The following SLC27A6 variants were observed in gnomAD, a reference collection of about 807,000 sequenced individuals.
SLC27A6 encodes the protein long-chain fatty acid transport protein 6.
A neutral mutation model predicts 63.9 loss-of-function variants in SLC27A6; 74 were observed. The observed-to-expected ratio is 1.16, with a 90% CI of 0.96 to 1.40. SLC27A6 has a LOEUF of 1.40. Among genes scored for constraint, SLC27A6 ranks in the 40% most tolerant of loss-of-function variants. The pLI is 0.00. For synonymous variants in SLC27A6, 287 were observed against 260.8 expected (o/e 1.10, Z -0.97); for missense variants, 794 against 732.9 (o/e 1.08, Z -0.96).
intron 5 of SLC27A6, among the ~76,000 whole-genome samples, 198 bp downstream of exon 5, chr5:129,016,277 T>A (rs1163429614): frequency 1.3e-5 from 2 of 150,670 alleles, no homozygotes; most frequent in Non-Finnish European, 2.9e-5. Context: ...ACACCTGTAG[T>A]CCCAACTAGT....
At chr5:128,970,454 C>T (rs1750102106) in intron 1 of SLC27A6, among the ~76,000 whole-genome samples, 1 of 152,148 alleles carries the variant, frequency 6.6e-6, no homozygotes. Context: ...TTGGTCTATT[C>T]AGAGATTCAA....
chr5:129,003,459 A>G (rs1402644367), intron 4 of SLC27A6, among the ~76,000 whole-genome samples: 1 of 152,162 alleles, frequency 6.6e-6, no homozygotes, highest in Non-Finnish European at 1.5e-5. Flanking sequence ...TGATTGGTTG[A>G]TGTAGCTGAG....
intron 1 of SLC27A6, among the ~76,000 whole-genome samples, chr5:128,981,801 T>C (rs867756743): frequency 6.2e-5 from 7 of 113,378 alleles, no homozygotes; most frequent in African/African-American, 1.8e-4. Flanking sequence ...AAGAGTTTTT[T>C]TCTTTCTTTT....
intron 2 of SLC27A6, among the ~76,000 whole-genome samples, chr5:128,986,268 C>T (rs979893867): frequency 6.6e-6 from 1 of 152,172 alleles, no homozygotes; most frequent in Non-Finnish European, 1.5e-5. Flanking sequence ...GAGCTGATTG[C>T]ACCTCTGCAC....
At position 129,033,510 on chromosome 5, in the gene SLC27A6, G is replaced by T. The variant is rs2150158475; in HGVS notation, c.*228G>T. The T allele has an allele frequency of 4.4e-6, 1 of 227,696 alleles. No individual in the cohort carries two copies. The highest frequency in any genetic ancestry group is 9.0e-5 in the East Asian group (1 of 11,100). The allele number at this position is 227,696 out of a possible 1,614,324, so 14.1% of individuals were successfully genotyped here. ...ATTTGGAGATTCAGTGCATAACTAA[G>T]TATTTTCCTTAATACTAAAGATTTT... On this transcript the variant is annotated 3_prime_UTR_variant, in exon 10 of 10. Transcript: ENST00000262462.
chr5:128,968,748 A>G (rs75321884), intron 1 of SLC27A6, among the ~76,000 whole-genome samples: 74,177 of 151,034 alleles, frequency 0.49, 20,187 homozygotes, highest in Non-Finnish European at 0.62. Flanking sequence ...CTTTTGCTGT[A>G]CAGAAGCTCT....
At chr5:128,981,844 C>T (rs116664198) in intron 1 of SLC27A6, among the ~76,000 whole-genome samples, 3,292 of 144,554 alleles carry the variant, frequency 0.023, 58 homozygotes, top group Non-Finnish European at 0.033. Flanking sequence ...GATGGAGTCT[C>T]ACTCTGTCCC....
intron 1 of SLC27A6, among the ~76,000 whole-genome samples, chr5:128,968,606 G>T (rs1443436786): frequency 6.6e-6 from 1 of 152,120 alleles, no homozygotes; most frequent in African/African-American, 2.4e-5. Flanking sequence ...TTTTGATGGG[G>T]TTGTTTGATT....
chr5:128,983,363 G>T (rs1317829009), intron 1 of SLC27A6, among the ~76,000 whole-genome samples: 1 of 136,960 alleles, frequency 7.3e-6, no homozygotes, highest in Admixed American at 8.6e-5. Context: ...CGTGATCTCG[G>T]CTCACTGCCA....
chr5:129,033,185 C>A lies in SLC27A6; in HGVS notation c.1763C>A (p.Ser588Tyr). 1 of 1,608,906 alleles carries A rather than the reference C, an allele frequency of 6.2e-7. No homozygotes were observed. The highest frequency in any genetic ancestry group is 1.1e-5 in the South Asian group (1 of 90,626). Reference sequence around the variant, plus strand: ...GATGGATTTAATCCACTGAAAATTTCTGAACCACTTTACTTCATGGATAAC... The same window carrying A: ...GATGGATTTAATCCACTGAAAATTTATGAACCACTTTACTTCATGGATAAC... ...VEDGFNPLKI[S>Y]EPLYFMDNLK... is the part of the protein sequence containing the mutation. Residue 588 changes from serine (S) to tyrosine (Y), a missense_variant, in exon 10 of 10, where the codon TCT (serine) becomes TAT (tyrosine). Transcript: ENST00000262462.
At chr5:128,982,690 C>T (rs775872345) in intron 1 of SLC27A6, among the ~76,000 whole-genome samples, 2 of 152,136 alleles carry the variant, frequency 1.3e-5, no homozygotes, top group Non-Finnish European at 2.9e-5. Flanking sequence ...TTTGCTTATC[C>T]AGTTTTTCAT....
chr5:128,978,245 AT>A (rs527747987), intron 1 of SLC27A6, among the ~76,000 whole-genome samples: 2 of 152,070 alleles, frequency 1.3e-5, no homozygotes, highest in African/African-American at 4.8e-5. Context: ...CTGAATGTGT[AT>A]TTTTTCAGTT....
chr5:128,975,318 T>C (rs1022462488), intron 1 of SLC27A6, among the ~76,000 whole-genome samples: 2 of 152,178 alleles, frequency 1.3e-5, no homozygotes, highest in Non-Finnish European at 2.9e-5. Context: ...GCAACTACAC[T>C]CCGGTCTGGG....
At chr5:129,026,233 A>G (rs1752241744) in intron 6 of SLC27A6, among the ~76,000 whole-genome samples, 2 of 152,292 alleles carry the variant, frequency 1.3e-5, no homozygotes, top group South Asian at 2.1e-4. Flanking sequence ...TACAGCAGGC[A>G]TAGCAAGTGG....
intron 4 of SLC27A6, among the ~76,000 whole-genome samples, chr5:129,006,236 G>T (rs1397944359): frequency 6.6e-6 from 1 of 151,422 alleles, no homozygotes; most frequent in Non-Finnish European, 1.5e-5. Context: ...CAGCCGCCGC[G>T]CCAGCTGCCG....
At chr5:128,999,711 G>A (rs1751270724) in intron 4 of SLC27A6, among the ~76,000 whole-genome samples, 2 of 151,910 alleles carry the variant, frequency 1.3e-5, no homozygotes, top group African/African-American at 2.4e-5. Context: ...TCCTCCCTTG[G>A]ACTGTTCCCC....
At chr5:129,000,609 A>G (rs1181978) in intron 4 of SLC27A6, among the ~76,000 whole-genome samples, 37,018 of 152,106 alleles carry the variant, frequency 0.24, 5,728 homozygotes, top group Non-Finnish European at 0.35. Context: ...TGGGACTCTG[A>G]TGCATTCAGG....
At chr5:129,007,033 G>A (rs1393625510) in intron 4 of SLC27A6, among the ~76,000 whole-genome samples, 1 of 152,110 alleles carries the variant, frequency 6.6e-6, no homozygotes. Flanking sequence ...ATAGGTAAAT[G>A]TAAAGAGATA....
chr5:129,029,590 A>G lies in SLC27A6; in HGVS notation c.1566A>G (p.Arg522=), dbSNP rs978739094. Residue 522 remains arginine (R), a synonymous_variant, in exon 9 of 10, where the codon AGA becomes AGG. Coordinates refer to ENST00000262462, the MANE Select transcript of SLC27A6 (RefSeq NM_001017372.3). The part of the protein sequence containing the change: ...YGVAISGYEG[R]AGMASIILKP... Reference sequence around the variant, plus strand: ...ACTTTTTTTCAGGTTATGAAGGAAGAGCAGGAATGGCTTCTATTATTTTAA... The same window carrying G: ...ACTTTTTTTCAGGTTATGAAGGAAGGGCAGGAATGGCTTCTATTATTTTAA... The G allele has an allele frequency of 2.0e-5, 32 of 1,575,146 alleles. No homozygotes were observed. The highest frequency in any genetic ancestry group is 2.5e-5 in the Non-Finnish European group (29 of 1,164,208).
Sources: allele counts gnomAD v4.1 joint callset (sites outside exome capture counted in the v4.1 genomes callset), GRCh38; gene constraint gnomAD v4.1.1; transcripts MANE v1.5; gene names NCBI Gene and HGNC (gene_info 2026-07-23, HGNC 2026-07-21).